DLGAP1: variants seen among roughly 807,000 people sequenced by gnomAD.
DLGAP1 encodes DLG associated protein 1.
In DLGAP1, 11 loss-of-function variants were observed where a neutral mutation model predicts 90.8. The ratio of observed to expected loss-of-function variants is 0.12; its 90% CI spans 0.08 to 0.20. DLGAP1 has a LOEUF of 0.20. DLGAP1 is among the 10% of genes least tolerant of loss of function. The pLI, the probability that DLGAP1 is intolerant of heterozygous loss-of-function variation, is 1.00. For missense variants in DLGAP1, 1,050 were observed against 1,333.8 expected (o/e 0.79, Z 3.31); for synonymous variants, 558 against 540.7 (o/e 1.03, Z -0.44).
chr18:3,826,845 T>C lies in DLGAP1; in HGVS notation c.958-12572A>G, dbSNP rs950499413. ...AGAATCAGAGACCCTTGGAGGCTCA[T>C]GCAATAACCTAGATTGTAGCTAAAG... On this transcript the variant is annotated intron_variant, in intron 4 of 12. Transcript: ENST00000315677. Among the ~76,000 whole-genome samples, 16 of 152,110 alleles carry C rather than the reference T, an allele frequency of 1.1e-4. 1 individual carries two copies. Among genetic ancestry groups the C allele is most frequent in the Admixed American group, 6.6e-5 (1 of 15,266 alleles).
chr18:3,513,272 G>A (rs1324734244), intron 10 of DLGAP1, among the ~76,000 whole-genome samples: 1 of 152,166 alleles, frequency 6.6e-6, no homozygotes, highest in African/African-American at 2.4e-5. Context: ...TCCACTGAGT[G>A]TGATTTCTGT....
At chr18:4,115,334 ATG>A (rs1260544860) in intron 2 of DLGAP1, among the ~76,000 whole-genome samples, 2 of 123,866 alleles carry the variant, frequency 1.6e-5, no homozygotes, top group African/African-American at 6.2e-5. Flanking sequence ...ACATAATCTT[ATG>A]TTTTTTTTTT....
chr18:3,751,883 CTTTTT>C (rs759513286), intron 5 of DLGAP1, among the ~76,000 whole-genome samples: 13 of 112,472 alleles, frequency 1.2e-4, no homozygotes, highest in Admixed American at 1.9e-4. Context: ...TCTTCTTCTT[CTTTTT>C]TTTTTTTTTT....
At chr18:3,990,681 T>A (rs2073949813) in intron 3 of DLGAP1, among the ~76,000 whole-genome samples, 1 of 148,496 alleles carries the variant, frequency 6.7e-6, no homozygotes, top group Non-Finnish European at 1.5e-5. Context: ...AATTACTACT[T>A]GTTGAGTTTT....
chr18:4,118,659 G>GCTGGGGAGCTGGGGAT (rs1387737928), intron 2 of DLGAP1, among the ~76,000 whole-genome samples: 2 of 151,644 alleles, frequency 1.3e-5, no homozygotes, highest in Non-Finnish European at 2.9e-5. Context: ...GAGCTGGGGA[G>GCTGGGGAGCTGGGGAT]CTGGGGTGGT....
At chr18:4,118,079 T>C (rs148260620) in intron 2 of DLGAP1, among the ~76,000 whole-genome samples, 90 of 152,262 alleles carry the variant, frequency 5.9e-4, no homozygotes, top group African/African-American at 2.0e-3. Flanking sequence ...ACACTTCTGA[T>C]TGCTCTGCCA....
intron 1 of DLGAP1, among the ~76,000 whole-genome samples, chr18:4,415,264 T>C (rs1007068573): frequency 2.6e-5 from 4 of 152,092 alleles, no homozygotes; most frequent in Admixed American, 1.3e-4. Context: ...AATTGAAAAA[T>C]GAAAAGTATC....
At chr18:3,549,418 C>T (rs895204719) in intron 9 of DLGAP1, among the ~76,000 whole-genome samples, 9 of 151,710 alleles carry the variant, frequency 5.9e-5, no homozygotes, top group Admixed American at 1.3e-4. Context: ...CTGCAACCTC[C>T]GCCTCCCAGG....
At chr18:4,083,793 A>G (rs9953374) in intron 2 of DLGAP1, among the ~76,000 whole-genome samples, 90,380 of 151,828 alleles carry the variant, frequency 0.6, 27,602 homozygotes, top group Non-Finnish European at 0.64. Flanking sequence ...CCATGGTAGC[A>G]TCTAGGGTTG....
At chr18:4,379,526 T>C (rs1333999615) in intron 1 of DLGAP1, among the ~76,000 whole-genome samples, 1 of 152,128 alleles carries the variant, frequency 6.6e-6, no homozygotes, top group Non-Finnish European at 1.5e-5. Context: ...CATGAAAAGA[T>C]AAGGACATGA....
chr18:4,335,480 A>C (rs1240000482), intron 1 of DLGAP1, among the ~76,000 whole-genome samples: 1 of 152,028 alleles, frequency 6.6e-6, no homozygotes, highest in African/African-American at 2.4e-5. Context: ...ATACTGCTTA[A>C]GTTTGTTTTA....
chr18:4,058,560 A>G (rs1434178189), intron 2 of DLGAP1, among the ~76,000 whole-genome samples: 1 of 152,082 alleles, frequency 6.6e-6, no homozygotes, highest in Non-Finnish European at 1.5e-5. Context: ...CTTTGGGAGG[A>G]GGGAAAATTC....
chr18:4,297,177 T>C (rs1407146148), intron 1 of DLGAP1, among the ~76,000 whole-genome samples: 4 of 152,158 alleles, frequency 2.6e-5, no homozygotes, highest in South Asian at 2.1e-4. Context: ...ATTTTATAAA[T>C]GAGGCACCTG....
At chr18:4,043,581 C>G (rs2075007402) in intron 2 of DLGAP1, among the ~76,000 whole-genome samples, 2 of 151,482 alleles carry the variant, frequency 1.3e-5, no homozygotes, top group Non-Finnish European at 2.9e-5. Flanking sequence ...CCTTTTATAT[C>G]TGAAGACTGC....
chr18:3,918,871 A>C (rs2148907524), intron 3 of DLGAP1, among the ~76,000 whole-genome samples: 1 of 152,240 alleles, frequency 6.6e-6, no homozygotes, highest in East Asian at 1.9e-4. Flanking sequence ...AAGAAAGACA[A>C]AGCTCATGAA....
chr18:4,406,107 A>G (rs997398850), intron 1 of DLGAP1, among the ~76,000 whole-genome samples: 1 of 152,188 alleles, frequency 6.6e-6, no homozygotes, highest in African/African-American at 2.4e-5. Context: ...ACAAAGTTAC[A>G]CCTTATGCAA....
chr18:3,822,842 C>T (rs1598886410), intron 4 of DLGAP1, among the ~76,000 whole-genome samples: 1 of 152,150 alleles, frequency 6.6e-6, no homozygotes, highest in East Asian at 1.9e-4. Context: ...CGTGATATCA[C>T]ATCAAGAAAT....
intron 1 of DLGAP1, among the ~76,000 whole-genome samples, chr18:4,153,446 A>T (rs572912040): frequency 6.6e-6 from 1 of 152,224 alleles, no homozygotes; most frequent in Non-Finnish European, 1.5e-5. Flanking sequence ...GACAGCACTG[A>T]GATTAAAATG....
At chr18:3,894,232 T>C (rs1390471723) in intron 3 of DLGAP1, among the ~76,000 whole-genome samples, 4 of 152,202 alleles carry the variant, frequency 2.6e-5, no homozygotes, top group African/African-American at 9.6e-5. Context: ...CCCATTTGTT[T>C]ATTTTTTGTT....
Sources: gnomAD v4.1 joint callset for allele counts (sites outside exome capture counted in the v4.1 genomes callset) on GRCh38, gnomAD v4.1.1 for gene constraint, MANE v1.5 for transcripts, NCBI Gene and HGNC (gene_info 2026-07-23, HGNC 2026-07-21) for gene names.